The following CALN1 variants were observed in gnomAD, a reference collection of about 807,000 sequenced individuals.
CALN1 encodes calneuron 1, also known as calcium-binding protein 8.
In CALN1, 17 loss-of-function variants were observed where a neutral mutation model predicts 30.6. The ratio of observed to expected loss-of-function variants is 0.56; its 90% CI spans 0.38 to 0.83. The LOEUF is 0.83. Ranked by LOEUF, CALN1 falls within the 40% of genes least tolerant of loss-of-function variation. The pLI is 0.00. For missense variants in CALN1, 291 were observed against 354.9 expected, an observed-to-expected ratio of 0.82 and a Z score of 1.45; for synonymous variants, 156 against 131.4, an observed-to-expected ratio of 1.19 and a Z score of -1.28.
chr7:72,473,880 G>A, the CALN1 span, among the ~76,000 whole-genome samples: 1 of 146,020 alleles, frequency 6.8e-6, no homozygotes, highest in African/African-American at 2.6e-5. Flanking sequence ...AGTGAGCCGA[G>A]ATCACACCAC....
At chr7:71,831,777 A>G (rs565366067) in intron 5 of CALN1, among the ~76,000 whole-genome samples, 1 of 145,384 alleles carries the variant, frequency 6.9e-6, no homozygotes, top group East Asian at 2.3e-4. Context: ...CTGTAGTCGC[A>G]GCTACTCGGG....
At position 71,877,376 on chromosome 7, in the gene CALN1, G is replaced by GA. The variant is rs546679648; in HGVS notation, c.502-66885dup. Among the ~76,000 whole-genome samples the GA allele has an allele frequency of 3.5e-3, 540 of 152,176 alleles. 6 individuals carry two copies. The highest frequency in any genetic ancestry group is 6.3e-3 in the Non-Finnish European group (428 of 68,002). On this transcript the variant is annotated intron_variant, in intron 5 of 6. Coordinates refer to ENST00000395275, the MANE Select transcript of CALN1 (RefSeq NM_031468.4). The stretch of plus-strand genomic sequence containing the variant: ...TTCTAGTGAATGCAGCAAAACAAAA[G>GA]AGAGTATAAACATAGAAAGAAGAAA...
chr7:72,177,933 A>G (rs1275239833), intron 3 of CALN1, among the ~76,000 whole-genome samples: 4 of 152,008 alleles, frequency 2.6e-5, no homozygotes, highest in African/African-American at 9.7e-5. Flanking sequence ...GGCAACAATA[A>G]AAGAACTCAC....
At chr7:72,407,418 G>A (rs1394591231) in intron 1 of CALN1, among the ~76,000 whole-genome samples, 3 of 152,206 alleles carry the variant, frequency 2.0e-5, no homozygotes, top group Admixed American at 6.5e-5. Flanking sequence ...CCTGGTAACA[G>A]GTGACTGGAT....
At chr7:71,950,140 G>T (rs560738429) in intron 5 of CALN1, among the ~76,000 whole-genome samples, 1 of 152,168 alleles carries the variant, frequency 6.6e-6, no homozygotes, top group East Asian at 1.9e-4. Flanking sequence ...CCAATTCTTT[G>T]TTCGAGATGC....
chr7:72,282,397 C>T (rs1354488941), intron 2 of CALN1, among the ~76,000 whole-genome samples: 1 of 152,142 alleles, frequency 6.6e-6, no homozygotes, highest in Non-Finnish European at 1.5e-5. Flanking sequence ...ATGAATGTGT[C>T]CCCCAGTAAT....
intron 5 of CALN1, among the ~76,000 whole-genome samples, chr7:71,923,914 T>A (rs1429188441): frequency 6.6e-6 from 1 of 152,118 alleles, no homozygotes; most frequent in East Asian, 1.9e-4. Context: ...ATTTCAGGGC[T>A]GGGCATAGTG....
chr7:71,958,305 C>T (rs2129524883), intron 5 of CALN1, among the ~76,000 whole-genome samples: 1 of 152,176 alleles, frequency 6.6e-6, no homozygotes, highest in Middle Eastern at 3.4e-3. Context: ...TGTCAGGTTT[C>T]TTGCCCTATT....
At position 72,191,530 on chromosome 7, in the gene CALN1, A is replaced by T. The variant is rs147806652; in HGVS notation, c.245-85236T>A. On this transcript the variant is annotated intron_variant, in intron 3 of 6. Transcript: ENST00000395275. ...AGCAGGAGAATCGCGGGTACCCAGG[A>T]GGCAGAGGTGAGACTCCGTCTCAAA... Among the ~76,000 whole-genome samples, 179 of 130,930 alleles carry T rather than the reference A, an allele frequency of 1.4e-3. 1 individual carries two copies. The highest frequency in any genetic ancestry group is 5.1e-3 in the African/African-American group (170 of 33,378). 85.9% of individuals were successfully genotyped at this position (130,930 alleles called of 152,430 possible).
At chr7:72,019,965 A>C (rs1290247778) in intron 5 of CALN1, among the ~76,000 whole-genome samples, 1 of 152,318 alleles carries the variant, frequency 6.6e-6, no homozygotes, top group Non-Finnish European at 1.5e-5. Flanking sequence ...GAGTCTCTTA[A>C]GTAGGATGGT....
chr7:72,202,820 C>G (rs1791534722), intron 3 of CALN1, among the ~76,000 whole-genome samples: 1 of 152,060 alleles, frequency 6.6e-6, no homozygotes, highest in Non-Finnish European at 1.5e-5. Flanking sequence ...GATCTAGAAC[C>G]AGAAATACTA....
chr7:71,966,509 G>A (rs1797537997), intron 5 of CALN1, among the ~76,000 whole-genome samples: 1 of 152,204 alleles, frequency 6.6e-6, no homozygotes, highest in Non-Finnish European at 1.5e-5. Flanking sequence ...TTAAAAGTGT[G>A]TGGCACCTCC....
intron 3 of CALN1, among the ~76,000 whole-genome samples, chr7:72,258,621 G>T (rs1796077797): frequency 6.6e-6 from 1 of 152,180 alleles, no homozygotes; most frequent in South Asian, 2.1e-4. Context: ...GTTAAACACA[G>T]CCAAAAGATA....
At chr7:72,170,661 C>A (rs564391210) in intron 3 of CALN1, among the ~76,000 whole-genome samples, 1 of 152,274 alleles carries the variant, frequency 6.6e-6, no homozygotes, top group African/African-American at 2.4e-5. Context: ...TCATTCTCTG[C>A]CTAATTTAGG....
chr7:71,897,957 G>GA (rs1793613843), intron 5 of CALN1, among the ~76,000 whole-genome samples: 5 of 32,994 alleles, frequency 1.5e-4, no homozygotes, highest in Admixed American at 8.3e-4. Context: ...AGTAGTGTTG[G>GA]AAAAAAACAA....
chr7:72,253,599 G>C (rs1051881418), intron 3 of CALN1, among the ~76,000 whole-genome samples: 1 of 152,176 alleles, frequency 6.6e-6, no homozygotes, highest in Non-Finnish European at 1.5e-5. Flanking sequence ...AAAACCATCA[G>C]ATCTCATGAA....
intron 3 of CALN1, among the ~76,000 whole-genome samples, chr7:72,223,269 G>GA (rs961757181): frequency 1.3e-5 from 2 of 152,110 alleles, no homozygotes; most frequent in African/African-American, 4.8e-5. Context: ...GCACATGGGA[G>GA]AAATAAAATC....
intron 3 of CALN1, among the ~76,000 whole-genome samples, chr7:72,222,001 G>A (rs561181841): frequency 3.3e-5 from 5 of 152,098 alleles, no homozygotes; most frequent in East Asian, 3.9e-4. Flanking sequence ...CAAGGCGGGC[G>A]GATCATTTGG....
intron 5 of CALN1, among the ~76,000 whole-genome samples, chr7:71,903,088 G>T (rs975484922): frequency 2.0e-5 from 3 of 151,366 alleles, no homozygotes; most frequent in Admixed American, 6.6e-5. Flanking sequence ...TACTTAACGG[G>T]TACAATATAC....
Sources: allele counts gnomAD v4.1 joint callset (sites outside exome capture counted in the v4.1 genomes callset), GRCh38; gene constraint gnomAD v4.1.1; transcripts MANE v1.5; gene names NCBI Gene and HGNC (gene_info 2026-07-23, HGNC 2026-07-21).